IGSF11: variants seen among roughly 807,000 people sequenced by gnomAD.
IGSF11 encodes immunoglobulin superfamily member 11.
In IGSF11, 22 loss-of-function variants were observed where a neutral mutation model predicts 41.0. The ratio of observed to expected loss-of-function variants is 0.54; its 90% CI spans 0.38 to 0.77. The LOEUF (loss-of-function observed/expected upper bound fraction) is 0.77, where lower values mean the gene tolerates loss of function less well. Among genes scored for constraint, IGSF11 ranks in the 30% least tolerant of loss-of-function variants. The pLI is 0.00. For synonymous variants in IGSF11, 219 were observed against 201.3 expected, an observed-to-expected ratio of 1.09 and a Z score of -0.74; for missense variants, 444 against 530.8, an observed-to-expected ratio of 0.84 and a Z score of 1.61.
chr3:118,972,552 A>G (rs1364892783), intron 1 of IGSF11, among the ~76,000 whole-genome samples: 1 of 152,206 alleles, frequency 6.6e-6, no homozygotes, highest in Non-Finnish European at 1.5e-5. Flanking sequence ...TGCATAGTCT[A>G]TGCAAATTCT....
chr3:118,967,342 T>A (rs1195355621), intron 1 of IGSF11, among the ~76,000 whole-genome samples: 1 of 152,198 alleles, frequency 6.6e-6, no homozygotes, highest in Admixed American at 6.5e-5. Flanking sequence ...TCTCTAATCT[T>A]TCTTTACATT....
chr3:119,017,360 A>G (rs1013746685), intron 1 of IGSF11, among the ~76,000 whole-genome samples: 9 of 152,206 alleles, frequency 5.9e-5, no homozygotes, highest in Non-Finnish European at 8.8e-5. Flanking sequence ...TACTGAATAG[A>G]GTAGGCAATT....
At chr3:119,049,479 C>T (rs1305660685) in intron 1 of IGSF11, among the ~76,000 whole-genome samples, 1 of 152,194 alleles carries the variant, frequency 6.6e-6, no homozygotes, top group Non-Finnish European at 1.5e-5. Flanking sequence ...CTACAAACCG[C>T]TGTTCAAGGA....
chr3:119,065,372 A>T (rs372382575), intron 1 of IGSF11, among the ~76,000 whole-genome samples: 2 of 152,172 alleles, frequency 1.3e-5, no homozygotes, highest in Admixed American at 6.5e-5. Context: ...TCATCATGGG[A>T]TATGTTTTTT....
chr3:118,930,830 G>A (rs1157549912), intron 1 of IGSF11, among the ~76,000 whole-genome samples: 1 of 152,184 alleles, frequency 6.6e-6, no homozygotes, highest in Non-Finnish European at 1.5e-5. Flanking sequence ...TAGATTCAGA[G>A]CTAGCCCAGT....
intron 1 of IGSF11, among the ~76,000 whole-genome samples, chr3:118,948,538 A>G (rs1173016318): frequency 6.6e-6 from 1 of 152,216 alleles, no homozygotes; most frequent in Non-Finnish European, 1.5e-5. Flanking sequence ...TCTGGTAAAC[A>G]GGGTGGTAAT....
At chr3:119,056,218 C>A (rs1016693805) in intron 1 of IGSF11, among the ~76,000 whole-genome samples, 2 of 152,084 alleles carry the variant, frequency 1.3e-5, no homozygotes, top group Non-Finnish European at 2.9e-5. Context: ...AATTGATAGA[C>A]TGCTAGCAAG....
chr3:119,100,989 A>C (rs895785060), intron 1 of IGSF11, among the ~76,000 whole-genome samples: 2 of 152,146 alleles, frequency 1.3e-5, no homozygotes, highest in Non-Finnish European at 2.9e-5. Flanking sequence ...ACCTCCATCT[A>C]TCCAGTTACC....
At chr3:119,028,609 A>T (rs1267131299) in intron 1 of IGSF11, among the ~76,000 whole-genome samples, 1 of 152,194 alleles carries the variant, frequency 6.6e-6, no homozygotes, top group Non-Finnish European at 1.5e-5. Context: ...AAAATATTTC[A>T]AATATTTAGG....
At chr3:118,946,784 T>G (rs753083180) in intron 1 of IGSF11, among the ~76,000 whole-genome samples, 1 of 152,184 alleles carries the variant, frequency 6.6e-6, no homozygotes, top group Non-Finnish European at 1.5e-5. Context: ...CTATCACTGT[T>G]TCTTTATTTT....
chr3:119,125,094 CTT>C (rs1455954320), intron 1 of IGSF11, among the ~76,000 whole-genome samples: 1 of 152,154 alleles, frequency 6.6e-6, no homozygotes, highest in Non-Finnish European at 1.5e-5. Context: ...AAAATAAAGA[CTT>C]TCCCCGACAA....
At chr3:119,057,159 A>G (rs1382330731) in intron 1 of IGSF11, among the ~76,000 whole-genome samples, 3 of 152,292 alleles carry the variant, frequency 2.0e-5, no homozygotes, top group South Asian at 2.1e-4. Flanking sequence ...AGGGTATTCA[A>G]TTAGGAAAAG....
chr3:119,073,200 T>G (rs949500509), intron 1 of IGSF11, among the ~76,000 whole-genome samples: 6 of 152,064 alleles, frequency 3.9e-5, no homozygotes, highest in Non-Finnish European at 5.9e-5. Context: ...CCAGATTAGC[T>G]AGATACAGAG....
chr3:119,018,681 A>G (rs537235278), intron 1 of IGSF11, among the ~76,000 whole-genome samples: 1 of 152,254 alleles, frequency 6.6e-6, no homozygotes, highest in Non-Finnish European at 1.5e-5. Flanking sequence ...CTTAATGATT[A>G]ATGAATAAAC....
chr3:119,035,907 C>A (rs989884832), upstream of IGSF11, among the ~76,000 whole-genome samples: 2 of 152,124 alleles, frequency 1.3e-5, no homozygotes, highest in African/African-American at 4.8e-5. Context: ...ATTGAGCCCT[C>A]ATCTGGCAAA....
chr3:118,990,125 T>C (rs1033895758), intron 1 of IGSF11, among the ~76,000 whole-genome samples: 7 of 152,194 alleles, frequency 4.6e-5, no homozygotes, highest in African/African-American at 1.7e-4. Context: ...AGTTCAGGCT[T>C]TGGACTCTCC....
intron 1 of IGSF11, among the ~76,000 whole-genome samples, chr3:119,072,221 C>T (rs973918134): frequency 1.3e-5 from 2 of 152,192 alleles, no homozygotes; most frequent in African/African-American, 4.8e-5. Context: ...TGATCCTGAG[C>T]TAAGGCATTA....
chr3:118,914,109 A>C (rs1056275885), intron 4 of IGSF11, among the ~76,000 whole-genome samples: 1 of 152,226 alleles, frequency 6.6e-6, no homozygotes, highest in African/African-American at 2.4e-5. Context: ...GAGAACTTTA[A>C]GAATAAGCAC....
chr3:118,924,598 C>CA (rs1256459418), intron 4 of IGSF11, among the ~76,000 whole-genome samples: 1 of 151,924 alleles, frequency 6.6e-6, no homozygotes, highest in Admixed American at 6.6e-5. Flanking sequence ...CCTAAAGTTG[C>CA]AAAGAGTATT....
Sources: allele counts gnomAD v4.1 joint callset (sites outside exome capture counted in the v4.1 genomes callset), GRCh38; gene constraint gnomAD v4.1.1; transcripts MANE v1.5; gene names NCBI Gene and HGNC (gene_info 2026-07-23, HGNC 2026-07-21).